NCAM2: variants seen among roughly 807,000 people sequenced by gnomAD.
The protein encoded by NCAM2 is N-CAM-2.
Under a neutral mutation model 98.1 loss-of-function variants are expected in NCAM2, and 30 were observed. The ratio of observed to expected loss-of-function variants is 0.31; its 90% CI spans 0.23 to 0.41. NCAM2 has a LOEUF of 0.41. Ranked by LOEUF, NCAM2 falls within the 10% of genes least tolerant of loss-of-function variation. NCAM2 has a pLI of 1.00. For synonymous variants in NCAM2, 368 were observed against 342.4 expected (o/e 1.07, Z -0.83); for missense variants, 867 against 1,005.8 (o/e 0.86, Z 1.87).
At chr21:21,027,725 C>T (rs77921500) in intron 1 of NCAM2, among the ~76,000 whole-genome samples, 1,732 of 152,280 alleles carry the variant, frequency 0.011, 47 homozygotes, top group African/African-American at 0.04. Flanking sequence ...TCCTTCTACA[C>T]TTCCTTTTAA....
At chr21:21,534,791 C>T (rs1989894269) in intron 17 of NCAM2, 135 bp downstream of exon 17, 1 of 883,728 alleles carries the variant, frequency 1.1e-6, no homozygotes, top group Non-Finnish European at 1.5e-6. Flanking sequence ...GATGAAAGTA[C>T]ATGTGAATAT....
intron 1 of NCAM2, among the ~76,000 whole-genome samples, chr21:21,156,475 AT>A (rs566688522): frequency 4.6e-5 from 7 of 152,140 alleles, no homozygotes; most frequent in African/African-American, 7.2e-5. Flanking sequence ...CAGAAAAAAA[AT>A]AATTGCTTGA....
chr21:21,517,917 A>T (rs754255111), intron 16 of NCAM2, among the ~76,000 whole-genome samples: 4 of 152,176 alleles, frequency 2.6e-5, no homozygotes, highest in Non-Finnish European at 5.9e-5. Context: ...ATTTTTAAGT[A>T]GCTGTGAAAA....
intron 1 of NCAM2, among the ~76,000 whole-genome samples, chr21:21,042,422 G>C (rs561992348): frequency 2.0e-5 from 3 of 152,082 alleles, no homozygotes; most frequent in Non-Finnish European, 4.4e-5. Flanking sequence ...GACCTCAGGT[G>C]ATCCACCCGC....
At chr21:21,116,681 G>T (rs2146547481) in intron 1 of NCAM2, among the ~76,000 whole-genome samples, 1 of 152,162 alleles carries the variant, frequency 6.6e-6, no homozygotes, top group African/African-American at 2.4e-5. Context: ...GTGAAACCCT[G>T]TCTCTACTAA....
chr21:21,033,875 T>G (rs1360104153), intron 1 of NCAM2, among the ~76,000 whole-genome samples: 3 of 152,196 alleles, frequency 2.0e-5, no homozygotes, highest in African/African-American at 7.2e-5. Flanking sequence ...TATCCCCATC[T>G]GCAGGCCCTG....
chr21:21,362,482 C>G (rs534925564), intron 8 of NCAM2, among the ~76,000 whole-genome samples: 29 of 151,912 alleles, frequency 1.9e-4, no homozygotes, highest in African/African-American at 6.8e-4. Flanking sequence ...AAGCCTTGAA[C>G]TCCTGGGTCA....
chr21:21,235,262 AAT>A (rs1420048046), intron 1 of NCAM2, among the ~76,000 whole-genome samples: 2 of 152,008 alleles, frequency 1.3e-5, no homozygotes, highest in African/African-American at 4.8e-5. Flanking sequence ...AACTTAATGA[AAT>A]GAGTTACATT....
At chr21:21,106,547 A>C (rs986580637) in intron 1 of NCAM2, among the ~76,000 whole-genome samples, 2 of 151,944 alleles carry the variant, frequency 1.3e-5, no homozygotes, top group African/African-American at 4.8e-5. Context: ...ATTTCATTAC[A>C]TTTGTCATTT....
At chr21:21,435,474 T>C (rs905803656) in intron 12 of NCAM2, among the ~76,000 whole-genome samples, 1 of 152,084 alleles carries the variant, frequency 6.6e-6, no homozygotes, top group African/African-American at 2.4e-5. Context: ...CATCAGTGGA[T>C]TTTTTCCTCC....
chr21:21,116,015 T>TTGTGTGTGTGTG (rs3071992), intron 1 of NCAM2, among the ~76,000 whole-genome samples: 13 of 146,204 alleles, frequency 8.9e-5, no homozygotes, highest in African/African-American at 3.3e-4. Context: ...CATGCTGAGA[T>TTGTGTGTGTGTG]TGTGTGTGTG....
chr21:21,523,470 T>C (rs1379202073), intron 16 of NCAM2, among the ~76,000 whole-genome samples: 2 of 151,562 alleles, frequency 1.3e-5, no homozygotes, highest in South Asian at 2.1e-4. Flanking sequence ...CTAATATATG[T>C]TTAAAGAAAG....
chr21:21,359,950 G>C (rs2075601040), intron 8 of NCAM2, among the ~76,000 whole-genome samples: 2 of 151,892 alleles, frequency 1.3e-5, no homozygotes, highest in Non-Finnish European at 1.5e-5. Context: ...ATGAATGTAT[G>C]TACAGCAATG....
At chr21:21,460,509 A>G (rs539518251) in intron 12 of NCAM2, among the ~76,000 whole-genome samples, 5 of 152,088 alleles carry the variant, frequency 3.3e-5, no homozygotes, top group South Asian at 2.1e-4. Flanking sequence ...TTTGTTTTCA[A>G]TGTTCAGCAA....
intron 1 of NCAM2, among the ~76,000 whole-genome samples, chr21:21,004,517 G>A (rs1317907458): frequency 2.0e-5 from 3 of 152,056 alleles, no homozygotes; most frequent in African/African-American, 7.2e-5. Flanking sequence ...TTAAAAATTT[G>A]CATGTGTGTG....
intron 1 of NCAM2, among the ~76,000 whole-genome samples, chr21:21,019,740 G>A (rs1046063087): frequency 1.3e-5 from 2 of 152,116 alleles, no homozygotes; most frequent in Non-Finnish European, 2.9e-5. Context: ...TTATCTTGAG[G>A]TAGTTATTAG....
intron 8 of NCAM2, among the ~76,000 whole-genome samples, chr21:21,342,980 G>A (rs564608196): frequency 7.9e-5 from 12 of 152,264 alleles, no homozygotes; most frequent in South Asian, 2.1e-4. Context: ...GTGCATGCCC[G>A]TGCAAGGGCT....
chr21:21,410,150 A>T (rs2076826828), intron 9 of NCAM2, 124 bp from the exon 10 acceptor site: 1 of 597,756 alleles, frequency 1.7e-6, no homozygotes, highest in African/African-American at 2.0e-5. Context: ...AAAAAAAAAA[A>T]TACACGAAAT....
At chr21:21,340,678 C>A (rs2075002661) in intron 8 of NCAM2, among the ~76,000 whole-genome samples, 1 of 151,870 alleles carries the variant, frequency 6.6e-6, no homozygotes, top group South Asian at 2.1e-4. Context: ...ACTTATTTTT[C>A]TATACTCCAG....
Sources: allele counts gnomAD v4.1 joint callset (sites outside exome capture counted in the v4.1 genomes callset), GRCh38; gene constraint gnomAD v4.1.1; transcripts MANE v1.5; gene names NCBI Gene and HGNC (gene_info 2026-07-23, HGNC 2026-07-21).